The following RAD50 variants were observed in gnomAD, a reference collection of about 807,000 sequenced individuals.
RAD50 encodes the protein RAD50 double strand break repair protein.
A neutral mutation model predicts 168.8 loss-of-function variants in RAD50; 132 were observed. That is an observed-to-expected ratio of 0.78 (90% CI 0.68 to 0.90). The LOEUF is 0.90. RAD50 is among the 40% of genes least tolerant of loss of function. RAD50 has a pLI of 0.00. For missense variants in RAD50, 1,347 were observed against 1,534.4 expected (o/e 0.88, Z 2.04); for synonymous variants, 525 against 497.4 (o/e 1.06, Z -0.74).
rs770566177 is a variant in RAD50 at position 132,557,379 on chromosome 5, G to A, written c.55G>A (p.Asp19Asn). 17 of 1,614,004 alleles carry A rather than the reference G, an allele frequency of 1.1e-5. No homozygotes were observed. Among genetic ancestry groups the A allele is most frequent in the Non-Finnish European group, 1.4e-5 (16 of 1,179,938 alleles). Residue 19 changes from aspartate to asparagine, a missense_variant, in exon 1 of 25, where the codon GAC becomes AAC. Physicochemically the swap from Asp to Asn is conservative, Grantham distance 23 (BLOSUM62 1). Coordinates refer to ENST00000378823, the MANE Select transcript of RAD50 (RefSeq NM_005732.4). ...ILGVRSFGIE[D>N]KDKQIITFFS... ...GGGCGTGCGGAGTTTTGGAATAGAG[G>A]ACAAAGATAAGCAAATTATCACTTT... is the stretch of plus-strand genomic sequence containing the variant.
chr5:132,597,434 G>A (rs900130084), intron 13 of RAD50, among the ~76,000 whole-genome samples: 13 of 152,062 alleles, frequency 8.5e-5, no homozygotes, highest in African/African-American at 2.7e-4. Flanking sequence ...TTCTGTTCTC[G>A]CAATGTGCTT....
chr5:132,567,641 G>A (rs1750230962), intron 2 of RAD50, among the ~76,000 whole-genome samples: 1 of 152,060 alleles, frequency 6.6e-6, no homozygotes. Context: ...ATTTAATGAG[G>A]GCTAGTAGAG....
chr5:132,581,375 C>T (rs1750502400), intron 5 of RAD50, among the ~76,000 whole-genome samples: 1 of 152,194 alleles, frequency 6.6e-6, no homozygotes, highest in South Asian at 2.1e-4. Flanking sequence ...CCGCCTCGGC[C>T]TCCCAAAGTG....
chr5:132,631,514 G>A (rs1751473234), intron 21 of RAD50, among the ~76,000 whole-genome samples: 1 of 152,184 alleles, frequency 6.6e-6, no homozygotes, highest in African/African-American at 2.4e-5. Context: ...CTCCAGGCAG[G>A]TGGTGGAGCT....
chr5:132,642,614 C>T lies in RAD50; in HGVS notation c.*250C>T. The T allele has an allele frequency of 1.8e-6, 1 of 543,728 alleles. No individual in the cohort carries two copies. Among genetic ancestry groups the T allele is most frequent in the South Asian group, 2.1e-5 (1 of 48,030 alleles). 33.7% of individuals were successfully genotyped at this position (543,728 alleles called of 1,614,324 possible). ...CAGCCTCTGTCAGGCCTTCAGGGTT[C>T]AGCAGTACAGCCGAGACTCGACTCT... On this transcript the variant is annotated 3_prime_UTR_variant, in exon 25 of 25. Transcript: ENST00000378823.
intron 21 of RAD50, among the ~76,000 whole-genome samples, chr5:132,633,066 A>C (rs1751503940): frequency 7.9e-6 from 1 of 126,298 alleles, no homozygotes; most frequent in Admixed American, 7.6e-5. Context: ...TTCCCAGTTT[A>C]TCGTTTGTCC....
chr5:132,642,034 G>T, intron 24 of RAD50, 144 bp from the exon 25 acceptor site: 1 of 844,484 alleles, frequency 1.2e-6, no homozygotes, highest in South Asian at 1.6e-5. Context: ...AAGGCCTGGG[G>T]CCACCCCTCC....
At chr5:132,566,042 G>T (rs774913389) in intron 2 of RAD50, among the ~76,000 whole-genome samples, 5 of 152,112 alleles carry the variant, frequency 3.3e-5, no homozygotes, top group Non-Finnish European at 5.9e-5. Flanking sequence ...AGATTGTTTG[G>T]AGAAAGAAGG....
chr5:132,581,658 A>C (rs2246176), intron 5 of RAD50, among the ~76,000 whole-genome samples: 2 of 151,926 alleles, frequency 1.3e-5, no homozygotes, highest in Middle Eastern at 3.2e-3. Context: ...GAACAGGATT[A>C]TGAGAGGAAG....
chr5:132,627,285 C>T (rs1047997608), intron 21 of RAD50, among the ~76,000 whole-genome samples: 2 of 152,006 alleles, frequency 1.3e-5, no homozygotes, highest in Non-Finnish European at 2.9e-5. Context: ...CAGTGAGGTG[C>T]TTGTGTACAT....
chr5:132,640,832 T>A (rs1479694518), intron 24 of RAD50, 27 bp downstream of exon 24: 1 of 1,613,960 alleles, frequency 6.2e-7, no homozygotes, highest in Non-Finnish European at 8.5e-7. Flanking sequence ...CATGCTCTGG[T>A]TGAGTAAGTA....
At chr5:132,579,743 A>G (rs1042269262) in intron 4 of RAD50, 119 bp from the exon 5 acceptor site, 68 of 966,998 alleles carry the variant, frequency 7.0e-5, no homozygotes, top group Non-Finnish European at 1.0e-4. Context: ...TAGGCATTTT[A>G]CAAGTTATTA....
At chr5:132,637,536 T>C (rs1450017215) in intron 22 of RAD50, among the ~76,000 whole-genome samples, 1 of 151,824 alleles carries the variant, frequency 6.6e-6, no homozygotes, top group Non-Finnish European at 1.5e-5. Flanking sequence ...TTTCTTTTTT[T>C]TTTTTCCAGA....
At chr5:132,632,653 G>A (rs1485497405) in intron 21 of RAD50, among the ~76,000 whole-genome samples, 2 of 152,186 alleles carry the variant, frequency 1.3e-5, no homozygotes, top group African/African-American at 4.8e-5. Context: ...ATGCTGCAGA[G>A]TGTGTCTTTG....
Position 132,642,872 on chromosome 5 carries a change from CCT to C in RAD50, c.*517_*518del, listed in dbSNP as rs1023445469. The stretch of plus-strand genomic sequence containing the variant: ...GCTTTTAACTTTATAAATCCAGTGA[CCT>C]CTCTCTCTGGGACTTGGTTTCCCCA... On this transcript the variant is annotated 3_prime_UTR_variant, in exon 25 of 25. Coordinates refer to ENST00000378823, the MANE Select transcript of RAD50 (RefSeq NM_005732.4). 7 of 381,254 alleles carry C rather than the reference CCT, an allele frequency of 1.8e-5. No individual in the cohort carries two copies. The highest frequency in any genetic ancestry group is 3.7e-5 in the Non-Finnish European group (7 of 189,736). 23.6% of individuals were successfully genotyped at this position (381,254 alleles called of 1,614,324 possible). A position where few individuals can be genotyped will look rare whatever the true frequency, so the allele number is the denominator to read the frequency against.
chr5:132,590,022 T>C (rs1750670796), intron 9 of RAD50, among the ~76,000 whole-genome samples, 185 bp downstream of exon 9: 1 of 152,184 alleles, frequency 6.6e-6, no homozygotes, highest in Admixed American at 6.5e-5. Flanking sequence ...CCCGATAGCC[T>C]GAAAATTAGA....
rs115606627 is a variant in RAD50 at position 132,643,796 on chromosome 5, C to A, written c.*1432C>A. On this transcript the variant is annotated 3_prime_UTR_variant, in exon 25 of 25. Transcript: ENST00000378823. ...CAATTCTAGTCATATATTAAACATC[C>A]ACAATAACCAAGATATTTTTATCCC... 8.8e-3 allele frequency: 2,034 copies of A among 230,348 alleles called. 21 individuals are homozygous for A. The highest frequency in any genetic ancestry group is 0.014 in the Admixed American group (250 of 17,650). 14.3% of individuals were successfully genotyped at this position (230,348 alleles called of 1,614,324 possible).
In RAD50 at chr5:132,595,803, C is replaced by T. The variant is rs1580997218; in HGVS notation, c.2200C>T (p.Pro734Ser). ...KRRDEMLGLV[P>S]MRQSIIDLKE... is the part of the protein sequence containing the mutation. Reference sequence around the variant, plus strand: ...GCGTGATGAAATGCTGGGACTTGTGCCCATGAGGTAAGAATGGGATTTACC... The same window carrying T: ...GCGTGATGAAATGCTGGGACTTGTGTCCATGAGGTAAGAATGGGATTTACC... The change falls in exon 13 of 25, where the codon CCC (proline) becomes TCC (serine). Residue 734 changes from proline (P) to serine (S), a missense_variant. Pro to Ser is a moderately conservative substitution (Grantham distance 74, BLOSUM62 -1). Coordinates refer to ENST00000378823, the MANE Select transcript of RAD50 (RefSeq NM_005732.4). The T allele has an allele frequency of 2.5e-6, 4 of 1,601,554 alleles. No individual in the cohort carries two copies. Among genetic ancestry groups the T allele is most frequent in the Middle Eastern group, 1.7e-4 (1 of 6,044 alleles).
At chr5:132,564,369 C>T (rs770128964) in intron 2 of RAD50, among the ~76,000 whole-genome samples, 7 of 152,166 alleles carry the variant, frequency 4.6e-5, no homozygotes, top group East Asian at 1.9e-4. Context: ...GTCACTCTTG[C>T]GATGCTTTAG....
Sources: gnomAD v4.1 joint callset for allele counts (sites outside exome capture counted in the v4.1 genomes callset) on GRCh38, gnomAD v4.1.1 for gene constraint, MANE v1.5 for transcripts, NCBI Gene and HGNC (gene_info 2026-07-23, HGNC 2026-07-21) for gene names.